Variants in TRERF1 observed in about 807,000 individuals in gnomAD.
TRERF1 encodes the protein transcriptional regulating factor 1.
TRERF1 carries 27 observed loss-of-function variants against 122.9 expected under a neutral mutation model. That is an observed-to-expected ratio of 0.22 (90% CI 0.16 to 0.30). The LOEUF is 0.30. Ranked by LOEUF, TRERF1 falls within the 10% of genes least tolerant of loss-of-function variation. The probability of loss-of-function intolerance (pLI) is 1.00; values close to 1 mark genes in which losing one functional copy is unlikely to be tolerated. For missense variants in TRERF1, 1,248 were observed against 1,560.3 expected, an observed-to-expected ratio of 0.80 and a Z score of 3.37; for synonymous variants, 636 against 641.7, an observed-to-expected ratio of 0.99 and a Z score of 0.13.
chr6:42,422,689 C>T (rs557986086), intron 2 of TRERF1, among the ~76,000 whole-genome samples: 3 of 152,096 alleles, frequency 2.0e-5, no homozygotes, highest in South Asian at 2.1e-4. Flanking sequence ...AATCCCCCTT[C>T]GCTCCACCCC....
At chr6:42,305,441 T>TGAGTTAAGGGAGAGTGAAGATTAGGA in intron 3 of TRERF1, among the ~76,000 whole-genome samples, 1 of 152,242 alleles carries the variant, frequency 6.6e-6, no homozygotes, top group Middle Eastern at 3.4e-3. Context: ...CACTGCTGTC[T>TGAGTTAAGGGAGAGTGAAGATTAGGA]GAGTTAAGGG....
chr6:42,277,905 G>GGAA (rs70987587), intron 4 of TRERF1, among the ~76,000 whole-genome samples: 8,546 of 84,810 alleles, frequency 0.1, 819 homozygotes, highest in Middle Eastern at 0.11. Flanking sequence ...GAAGGAAGAA[G>GGAA]GAAGAAGAAG....
intron 4 of TRERF1, among the ~76,000 whole-genome samples, chr6:42,272,827 C>A (rs1026518018): frequency 2.6e-5 from 4 of 152,176 alleles, no homozygotes; most frequent in Non-Finnish European, 5.9e-5. Context: ...GCCTCATCCA[C>A]CACCCATCCT....
intron 3 of TRERF1, among the ~76,000 whole-genome samples, chr6:42,347,762 A>G (rs1287717343): frequency 2.0e-5 from 3 of 152,222 alleles, no homozygotes. Context: ...CAAATAAAGC[A>G]ATTCGCAAAC....
chr6:42,403,415 G>A (rs1043600388), intron 2 of TRERF1, among the ~76,000 whole-genome samples: 9 of 152,074 alleles, frequency 5.9e-5, no homozygotes, highest in South Asian at 4.2e-4. Context: ...ACACACTCAC[G>A]GAGAATGCCA....
intron 2 of TRERF1, among the ~76,000 whole-genome samples, chr6:42,381,253 T>C (rs1775857180): frequency 6.6e-6 from 1 of 151,654 alleles, no homozygotes; most frequent in South Asian, 2.1e-4. Context: ...AGACAGGGTT[T>C]ATCTGCCTCT....
intron 16 of TRERF1, among the ~76,000 whole-genome samples, chr6:42,235,378 C>A (rs1289270578): frequency 6.6e-6 from 1 of 152,168 alleles, no homozygotes; most frequent in Non-Finnish European, 1.5e-5. Context: ...AAAAGCTCAC[C>A]AATTCAGACT....
chr6:42,418,956 C>A (rs7753611), intron 2 of TRERF1, among the ~76,000 whole-genome samples: 2,009 of 152,272 alleles, frequency 0.013, 38 homozygotes, highest in African/African-American at 0.045. Flanking sequence ...ATATTATTAG[C>A]CTTGATAACA....
At chr6:42,349,581 G>A (rs965005833) in intron 3 of TRERF1, among the ~76,000 whole-genome samples, 4 of 152,030 alleles carry the variant, frequency 2.6e-5, no homozygotes, top group African/African-American at 9.7e-5. Context: ...ATATGAAAAA[G>A]ATCACTCAAG....
intron 16 of TRERF1, among the ~76,000 whole-genome samples, chr6:42,233,279 A>G (rs1283895496): frequency 1.3e-5 from 2 of 150,182 alleles, no homozygotes; most frequent in African/African-American, 2.4e-5. Flanking sequence ...CCAGCTTTCA[A>G]ACTTTTTTTT....
At chr6:42,407,447 G>A (rs1055904821) in intron 2 of TRERF1, among the ~76,000 whole-genome samples, 1 of 152,192 alleles carries the variant, frequency 6.6e-6, no homozygotes, top group African/African-American at 2.4e-5. Context: ...AAACGAGGGA[G>A]AGTGGGCAAG....
chr6:42,328,905 T>G lies in TRERF1; in HGVS notation c.-370-28156A>C, dbSNP rs192833570. ...AGAAATTTACCAGCATCCACCCCAG[T>G]CAGCCTCCTCCCTGACCAGGTCTCC... On this transcript the variant is annotated intron_variant, in intron 3 of 17. Coordinates refer to ENST00000372922, the Ensembl canonical transcript of TRERF1. Among the ~76,000 whole-genome samples the G allele has an allele frequency of 1.9e-3, 291 of 152,176 alleles. 1 individual carries two copies. The highest frequency in any genetic ancestry group is 6.4e-3 in the African/African-American group (267 of 41,534).
At chr6:42,429,390 A>G (rs1784134617) in intron 2 of TRERF1, among the ~76,000 whole-genome samples, 1 of 152,100 alleles carries the variant, frequency 6.6e-6, no homozygotes, top group Non-Finnish European at 1.5e-5. Context: ...GGCCGTCCTA[A>G]GTGAACCAAC....
At chr6:42,290,559 G>A (rs1268107984) in intron 4 of TRERF1, among the ~76,000 whole-genome samples, 2 of 151,796 alleles carry the variant, frequency 1.3e-5, no homozygotes, top group Non-Finnish European at 2.9e-5. Context: ...TGGTGATGGT[G>A]TATTGACAAC....
rs117010373 is a variant in TRERF1 at position 42,368,391 on chromosome 6, G to A, written c.-453-5312C>T. ...CAGCACCTCCCGCAGTGGTTTCCTC[G>A]CCCCCCCAAGTTAGGTTCCTTTTTA... On this transcript the variant is annotated intron_variant, in intron 2 of 17. Transcript: ENST00000372922. Among the ~76,000 whole-genome samples, 293 of 151,726 alleles carry A rather than the reference G, an allele frequency of 1.9e-3. 8 individuals carry two copies. In the East Asian group the frequency reaches 0.053, roughly 27 times the overall value.
chr6:42,267,418 C>G (rs1396349208), intron 5 of TRERF1, among the ~76,000 whole-genome samples: 2 of 152,026 alleles, frequency 1.3e-5, no homozygotes, highest in Admixed American at 1.3e-4. Context: ...ATCATGAGGT[C>G]GGAGTTTGAG....
At chr6:42,387,641 G>A (rs376328641) in intron 2 of TRERF1, among the ~76,000 whole-genome samples, 1 of 152,220 alleles carries the variant, frequency 6.6e-6, no homozygotes, top group African/African-American at 2.4e-5. Flanking sequence ...CGCCTCCCCA[G>A]TGCTGAACAC....
rs1280785670 is a variant in TRERF1 at position 42,393,032 on chromosome 6, A to G, written c.-453-29953T>C. On this transcript the variant is annotated intron_variant, in intron 2 of 17. Coordinates refer to ENST00000372922, the Ensembl canonical transcript of TRERF1. The surrounding 1 kb of genome is among the most constrained non-coding windows in gnomAD (Gnocchi z 4.1). ...GCTGCCGACGCGAGGGCCACTGGACATGGAGTTGGGAAGAGACATGCACAG... is the reference window on the plus strand; with the variant it reads ...GCTGCCGACGCGAGGGCCACTGGACGTGGAGTTGGGAAGAGACATGCACAG... 6.6e-6 allele frequency among the ~76,000 whole-genome samples: 1 copy of G among 152,076 alleles called. No homozygotes were observed. The highest frequency in any genetic ancestry group is 1.5e-5 in the Non-Finnish European group (1 of 68,014).
chr6:42,338,136 C>T (rs1010863682), intron 3 of TRERF1, among the ~76,000 whole-genome samples: 2 of 152,190 alleles, frequency 1.3e-5, no homozygotes, highest in East Asian at 3.9e-4. Flanking sequence ...GCACCTGGCT[C>T]ACTGCTGTGA....
Sources: gnomAD v4.1 joint callset for allele counts (sites outside exome capture counted in the v4.1 genomes callset) on GRCh38, gnomAD v4.1.1 for gene constraint, Gnocchi (gnomAD v3.1) non-coding constraint, MANE v1.5 for transcripts, NCBI Gene and HGNC (gene_info 2026-07-23, HGNC 2026-07-21) for gene names.